The following PPFIA2 variants were observed in gnomAD, a reference collection of about 807,000 sequenced individuals.
The protein encoded by PPFIA2 is PPFI scaffold protein A2.
Under a neutral mutation model 175.5 loss-of-function variants are expected in PPFIA2, and 46 were observed. That is an observed-to-expected ratio of 0.26 (90% CI 0.21 to 0.34). The LOEUF is 0.34. Among genes scored for constraint, PPFIA2 ranks in the 10% least tolerant of loss-of-function variants. The pLI, the probability that PPFIA2 is intolerant of heterozygous loss-of-function variation, is 1.00. For missense variants in PPFIA2, 1,179 were observed against 1,506.1 expected, an observed-to-expected ratio of 0.78 and a Z score of 3.60; for synonymous variants, 568 against 511.4, an observed-to-expected ratio of 1.11 and a Z score of -1.49.
intron 4 of PPFIA2, among the ~76,000 whole-genome samples, chr12:81,660,593 G>C (rs548664208): frequency 1.1e-3 from 165 of 152,286 alleles, no homozygotes; most frequent in African/African-American, 3.9e-3. Context: ...AAAGTGATGG[G>C]GAGAAAGGAA....
chr12:81,562,734 C>T (rs953923140), intron 4 of PPFIA2, among the ~76,000 whole-genome samples: 4 of 147,230 alleles, frequency 2.7e-5, no homozygotes, highest in African/African-American at 1.0e-4. Context: ...GTAGTCCCAG[C>T]TACTTGGGAG....
At chr12:81,550,302 G>C (rs1168533714) in intron 4 of PPFIA2, among the ~76,000 whole-genome samples, 1 of 151,990 alleles carries the variant, frequency 6.6e-6, no homozygotes, top group Non-Finnish European at 1.5e-5. Flanking sequence ...AAACATCTGA[G>C]CTAAGACTTT....
rs534190220 is a variant in PPFIA2, at chr12:81,594,306, T to C, written c.303+82485A>G. 2.0e-5 allele frequency among the ~76,000 whole-genome samples: 3 copies of C among 152,294 alleles called. No individual in the cohort carries two copies. The South Asian group carries it at 6.2e-4, about 32-fold the overall frequency. ...GTTTCCAAACCTATAGTAAAGTTTC[T>C]TTCTCTTGTTTTCAGTAGGTATGAA... On this transcript the variant is annotated intron_variant, in intron 4 of 32. Transcript: ENST00000549396.
intron 2 of PPFIA2, 67 bp downstream of exon 2, chr12:81,758,333 G>T: frequency 2.2e-6 from 1 of 453,334 alleles, no homozygotes; most frequent in Admixed American, 2.4e-5. Flanking sequence ...GGGGCGGGGT[G>T]GGGCCGGGGA....
chr12:81,454,825 A>T (rs1007618436), intron 5 of PPFIA2, among the ~76,000 whole-genome samples: 2 of 151,990 alleles, frequency 1.3e-5, no homozygotes, highest in Admixed American at 6.6e-5. Context: ...TACACTTTAT[A>T]TTTTATTTTC....
intron 5 of PPFIA2, among the ~76,000 whole-genome samples, chr12:81,451,278 G>C (rs2052522414): frequency 6.6e-6 from 1 of 151,940 alleles, no homozygotes; most frequent in Non-Finnish European, 1.5e-5. Flanking sequence ...CCCCCTGACT[G>C]TTTGATAGTT....
chr12:81,311,418 A>G (rs887798858), intron 22 of PPFIA2, among the ~76,000 whole-genome samples: 2 of 152,168 alleles, frequency 1.3e-5, no homozygotes, highest in African/African-American at 2.4e-5. Context: ...TCTCTTGAAC[A>G]TAACACAGGT....
intron 4 of PPFIA2, among the ~76,000 whole-genome samples, chr12:81,589,141 C>T (rs2153439788): frequency 6.6e-6 from 1 of 152,120 alleles, no homozygotes; most frequent in Non-Finnish European, 1.5e-5. Context: ...ATTAGGCAAT[C>T]TGCTTGATGT....
chr12:81,368,997 T>C, intron 12 of PPFIA2, 114 bp downstream of exon 12: 3 of 1,277,406 alleles, frequency 2.3e-6, no homozygotes, highest in Non-Finnish European at 3.2e-6. Flanking sequence ...AGTCAACAGG[T>C]CATATTTGTA....
intron 7 of PPFIA2, among the ~76,000 whole-genome samples, chr12:81,422,901 A>C (rs1402019994): frequency 6.6e-6 from 1 of 152,140 alleles, no homozygotes; most frequent in African/African-American, 2.4e-5. Context: ...CCTGGTTCCC[A>C]AAATTAATAA....
intron 5 of PPFIA2, among the ~76,000 whole-genome samples, chr12:81,447,018 G>T (rs140473232): frequency 3.0e-4 from 45 of 152,008 alleles, no homozygotes; most frequent in African/African-American, 1.0e-3. Context: ...CAAACTAATC[G>T]CCGGGCACAG....
chr12:81,274,432 T>A (rs1023031218), intron 28 of PPFIA2, among the ~76,000 whole-genome samples: 2 of 152,174 alleles, frequency 1.3e-5, no homozygotes, highest in South Asian at 4.1e-4. Context: ...TTAAGAGTGA[T>A]CAAATATTTA....
chr12:81,320,354 T>A (rs1388263917), intron 22 of PPFIA2, among the ~76,000 whole-genome samples: 3 of 152,034 alleles, frequency 2.0e-5, no homozygotes, highest in Admixed American at 2.0e-4. Flanking sequence ...TAAGTGTGAC[T>A]GCTTTGCTCC....
chr12:81,297,651 T>A (rs528896200), intron 23 of PPFIA2, among the ~76,000 whole-genome samples: 1 of 152,382 alleles, frequency 6.6e-6, no homozygotes, highest in East Asian at 1.9e-4. Flanking sequence ...ATGTCTTCTT[T>A]GGACCCTAAT....
In PPFIA2 at chr12:81,583,343, T is replaced by C. The variant is rs138328364; in HGVS notation, c.303+93448A>G. Among the ~76,000 whole-genome samples the C allele has an allele frequency of 4.2e-3, 640 of 151,886 alleles. 3 individuals carry two copies. The highest frequency in any genetic ancestry group is 0.015 in the African/African-American group (603 of 41,416). On this transcript the variant is annotated intron_variant, in intron 4 of 32. Transcript: ENST00000549396. ...AAGTTTTATTACGTCTCTTTACCCA[T>C]CTTCTCTTTTCCTTTTTTTTTTCTA...
At chr12:81,319,271 C>T (rs868103817) in intron 22 of PPFIA2, among the ~76,000 whole-genome samples, 4 of 151,824 alleles carry the variant, frequency 2.6e-5, no homozygotes, top group Admixed American at 2.6e-4. Flanking sequence ...AAAGAGAACA[C>T]TTTGGTTTTC....
At chr12:81,306,433 G>A (rs2049175273) in intron 22 of PPFIA2, among the ~76,000 whole-genome samples, 1 of 151,762 alleles carries the variant, frequency 6.6e-6, no homozygotes, top group Non-Finnish European at 1.5e-5. Flanking sequence ...GGTTTTGTAA[G>A]AAAATATGTG....
intron 24 of PPFIA2, among the ~76,000 whole-genome samples, chr12:81,289,223 T>C (rs2044265266): frequency 1.3e-5 from 2 of 151,848 alleles, no homozygotes; most frequent in African/African-American, 4.8e-5. Flanking sequence ...GTAATTATAT[T>C]AGATATTCTG....
At chr12:81,683,630 G>T (rs765698110) in intron 3 of PPFIA2, among the ~76,000 whole-genome samples, 1 of 151,868 alleles carries the variant, frequency 6.6e-6, no homozygotes, top group African/African-American at 2.4e-5. Context: ...ACACAATGGC[G>T]TCCTTATTAT....
Sources: gnomAD v4.1 joint callset for allele counts (sites outside exome capture counted in the v4.1 genomes callset) on GRCh38, gnomAD v4.1.1 for gene constraint, MANE v1.5 for transcripts, NCBI Gene and HGNC (gene_info 2026-07-23, HGNC 2026-07-21) for gene names.